GMDS: variants seen among roughly 807,000 people sequenced by gnomAD.
The protein encoded by GMDS is GDP-mannose 4,6 dehydratase.
In GMDS, 20 loss-of-function variants were observed where a neutral mutation model predicts 49.9. The ratio of observed to expected loss-of-function variants is 0.40; its 90% confidence interval spans 0.28 to 0.58. The LOEUF is 0.58. GMDS is among the 20% of genes least tolerant of loss of function. GMDS has a pLI of 0.42. For missense variants in GMDS, 362 were observed against 481.4 expected, an observed-to-expected ratio of 0.75 and a Z score of 2.32; for synonymous variants, 177 against 178.6, an observed-to-expected ratio of 0.99 and a Z score of 0.07.
chr6:1,716,587 T>C (rs906083096), intron 9 of GMDS, among the ~76,000 whole-genome samples: 4 of 152,218 alleles, frequency 2.6e-5, no homozygotes, highest in Non-Finnish European at 5.9e-5. Context: ...GGTGGCCTGC[T>C]GGCTGCGTGA....
At chr6:2,156,706 C>T (rs1442725525) in intron 1 of GMDS, among the ~76,000 whole-genome samples, 1 of 151,870 alleles carries the variant, frequency 6.6e-6, no homozygotes, top group Admixed American at 6.6e-5. Context: ...CAAAACATCA[C>T]TATTTTTAAA....
intron 7 of GMDS, among the ~76,000 whole-genome samples, chr6:1,867,907 C>T (rs544752364): frequency 5.9e-5 from 9 of 151,892 alleles, no homozygotes; most frequent in East Asian, 1.9e-4. Flanking sequence ...AGGTGTTCCT[C>T]GTGTCTGTGG....
intron 7 of GMDS, among the ~76,000 whole-genome samples, chr6:1,909,678 G>C (rs533108415): frequency 1.3e-5 from 2 of 152,326 alleles, no homozygotes; most frequent in East Asian, 3.9e-4. Flanking sequence ...CCTCTGGGGA[G>C]AAGACTGAGA....
chr6:1,777,171 G>A (rs1177337038), intron 7 of GMDS, among the ~76,000 whole-genome samples: 3 of 152,200 alleles, frequency 2.0e-5, no homozygotes, highest in African/African-American at 7.2e-5. Flanking sequence ...TCCTCACGCC[G>A]GCAGTGAAAC....
chr6:1,777,926 C>A (rs1034787268), intron 7 of GMDS, among the ~76,000 whole-genome samples: 1 of 152,136 alleles, frequency 6.6e-6, no homozygotes, highest in Admixed American at 6.5e-5. Context: ...TATGACCTTA[C>A]ACCCCAAATA....
intron 9 of GMDS, among the ~76,000 whole-genome samples, chr6:1,706,059 T>G (rs1441092973): frequency 1.3e-5 from 2 of 152,172 alleles, no homozygotes; most frequent in Non-Finnish European, 1.5e-5. Flanking sequence ...GGAACTAATA[T>G]GGGAGGAAAT....
intron 9 of GMDS, among the ~76,000 whole-genome samples, chr6:1,698,548 G>A (rs1022190378): frequency 6.6e-6 from 1 of 152,098 alleles, no homozygotes; most frequent in African/African-American, 2.4e-5. Context: ...CAGAATCACC[G>A]CTCTCCCGAG....
chr6:2,195,400 G>C (rs1361928215), intron 1 of GMDS, among the ~76,000 whole-genome samples: 1 of 151,392 alleles, frequency 6.6e-6, no homozygotes, highest in Non-Finnish European at 1.5e-5. Context: ...AAAAGTATGA[G>C]AACCAAAACT....
intron 4 of GMDS, among the ~76,000 whole-genome samples, chr6:1,968,431 T>C (rs1288122581): frequency 1.3e-5 from 2 of 152,204 alleles, no homozygotes; most frequent in Non-Finnish European, 1.5e-5. Context: ...GCAAGTAACA[T>C]TCCAGCTCCT....
In GMDS at chr6:2,193,774, A is replaced by C. The variant is rs1031687559; in HGVS notation, c.102+51547T>G. On this transcript the variant is annotated intron_variant, in intron 1 of 10. Coordinates refer to ENST00000380815, the MANE Select transcript of GMDS (RefSeq NM_001500.4). ...GAGTCTCGCTCTGTTGCCAGGCTGGAGTGCAGTGGCGCGATCTCGGCTCAC... is the reference window on the plus strand; with the variant it reads ...GAGTCTCGCTCTGTTGCCAGGCTGGCGTGCAGTGGCGCGATCTCGGCTCAC... 2.4e-5 allele frequency among the ~76,000 whole-genome samples: 3 copies of C among 126,768 alleles called. No homozygotes were observed. The South Asian group carries it at 7.5e-4, about 32-fold the overall frequency. 83.2% of individuals were successfully genotyped at this position (126,768 alleles called of 152,430 possible).
chr6:1,982,490 T>C lies in GMDS; in HGVS notation c.346-21524A>G, dbSNP rs1315484872. ...ATCCTGTATCTAGAAAACCCCATTGTCTCAGCCCAAAAACTTCTGAAGTTG... is the reference window on the plus strand; with the variant it reads ...ATCCTGTATCTAGAAAACCCCATTGCCTCAGCCCAAAAACTTCTGAAGTTG... On this transcript the variant is annotated intron_variant, in intron 4 of 10. Transcript: ENST00000380815. Among the ~76,000 whole-genome samples the C allele has an allele frequency of 7.9e-5, 12 of 152,288 alleles. No homozygotes were observed. The East Asian group carries it at 1.9e-3, about 25-fold the overall frequency.
At chr6:1,626,441 G>A (rs913379136) in intron 9 of GMDS, among the ~76,000 whole-genome samples, 3 of 152,120 alleles carry the variant, frequency 2.0e-5, no homozygotes, top group Non-Finnish European at 2.9e-5. Flanking sequence ...GCAGAAAAAC[G>A]AAGTAATTTA....
At chr6:1,624,807 C>T (rs1484755916) in intron 9 of GMDS, 1 of 210,128 alleles carries the variant, frequency 4.8e-6, no homozygotes, top group Non-Finnish European at 9.5e-6. Context: ...CTCCCCAAGG[C>T]GTCCCTTGGG....
At chr6:2,240,617 A>G (rs888207568) in intron 1 of GMDS, among the ~76,000 whole-genome samples, 27 of 151,346 alleles carry the variant, frequency 1.8e-4, no homozygotes, top group Middle Eastern at 3.4e-3. Flanking sequence ...AAAAAAAAAA[A>G]AAAGAAAAGA....
chr6:1,932,657 C>T (rs1251050001), intron 6 of GMDS, among the ~76,000 whole-genome samples: 3 of 151,610 alleles, frequency 2.0e-5, no homozygotes, highest in African/African-American at 7.3e-5. Context: ...CCTGCCTCAG[C>T]CTCCCGAAAA....
intron 4 of GMDS, among the ~76,000 whole-genome samples, chr6:2,013,256 G>A (rs1767672163): frequency 6.6e-6 from 1 of 152,050 alleles, no homozygotes; most frequent in South Asian, 2.1e-4. Context: ...GTCAACTATG[G>A]AAAACTAAAA....
intron 1 of GMDS, among the ~76,000 whole-genome samples, chr6:2,230,411 A>C (rs2295009): frequency 0.13 from 20,236 of 152,208 alleles, 1,969 homozygotes; most frequent in East Asian, 0.42. Context: ...TCCATCCCTA[A>C]GCCCTCCACT....
At chr6:2,055,042 A>G (rs982686820) in intron 4 of GMDS, among the ~76,000 whole-genome samples, 8 of 152,244 alleles carry the variant, frequency 5.3e-5, no homozygotes, top group African/African-American at 1.7e-4. Flanking sequence ...AAACTAAACA[A>G]CATCATACGG....
intron 9 of GMDS, among the ~76,000 whole-genome samples, chr6:1,683,060 G>A (rs937712966): frequency 2.0e-5 from 3 of 152,158 alleles, no homozygotes; most frequent in African/African-American, 4.8e-5. Flanking sequence ...TGCCGACGTC[G>A]ACATCCTGTC....
Sources: gnomAD v4.1 joint callset for allele counts (sites outside exome capture counted in the v4.1 genomes callset) on GRCh38, gnomAD v4.1.1 for gene constraint, MANE v1.5 for transcripts, NCBI Gene and HGNC (gene_info 2026-07-23, HGNC 2026-07-21) for gene names.